MARCHF11: variants seen among roughly 807,000 people sequenced by gnomAD.
MARCHF11 encodes membrane associated ring-CH-type finger 11, also known as E3 ubiquitin-protein ligase MARCHF11.
Under a neutral mutation model 37.3 loss-of-function variants are expected in MARCHF11, and 29 were observed. The ratio of observed to expected loss-of-function variants is 0.78; its 90% CI spans 0.58 to 1.06. MARCHF11 has a LOEUF of 1.06. Among genes scored for constraint, MARCHF11 ranks in the 50% least tolerant of loss-of-function variants. The pLI is 0.00. For missense variants in MARCHF11, 482 were observed against 533.4 expected (o/e 0.90, Z 0.95); for synonymous variants, 233 against 228.0 (o/e 1.02, Z -0.20).
At position 16,179,769 on chromosome 5, in the gene MARCHF11, G is replaced by T. The variant is rs1211991637; in HGVS notation, c.-194C>A. 18 of 272,962 alleles carry T rather than the reference G, an allele frequency of 6.6e-5. No homozygotes were observed. Among genetic ancestry groups the T allele is most frequent in the Admixed American group, 3.9e-4 (7 of 17,876 alleles). The allele number at this position is 272,962 out of a possible 1,614,324, so 16.9% of individuals were successfully genotyped here. A position where few individuals can be genotyped will look rare whatever the true frequency, so the allele number is the denominator to read the frequency against. ...GCGGCGGCGGCAGGCGCGGCCGTTC[G>T]GTGGAGCCGCCGGCTCGGCTCTGAT... On this transcript the variant is annotated 5_prime_UTR_variant, in exon 1 of 4. Transcript: ENST00000332432.
At position 16,169,839 on chromosome 5, in the gene MARCHF11, A is replaced by C. The variant is rs574300828; in HGVS notation, c.693+7887T>G. Among the ~76,000 whole-genome samples, 7 of 152,194 alleles carry C rather than the reference A, an allele frequency of 4.6e-5. No homozygotes were observed. In the South Asian group the frequency reaches 1.5e-3, roughly 32 times the overall value. The stretch of plus-strand genomic sequence containing the variant: ...ATTCCCTGCTATTCTGAAGGGTCGG[A>C]AGTACTCTCATTTTGCCCTCAGAGT... On this transcript the variant is annotated intron_variant, in intron 2 of 3. Coordinates refer to ENST00000332432, the MANE Select transcript of MARCHF11 (RefSeq NM_001102562.3).
chr5:16,146,131 T>A (rs528883094), intron 2 of MARCHF11, among the ~76,000 whole-genome samples: 2 of 152,304 alleles, frequency 1.3e-5, no homozygotes, highest in East Asian at 3.9e-4. Flanking sequence ...AACTGAGACA[T>A]CATGTCAACC....
intron 2 of MARCHF11, among the ~76,000 whole-genome samples, chr5:16,163,539 C>T (rs927623202): frequency 6.6e-6 from 1 of 151,820 alleles, no homozygotes; most frequent in African/African-American, 2.4e-5. Flanking sequence ...AATCCATTAC[C>T]CTGTAATCCA....
At chr5:16,071,262 C>T (rs563065243) in intron 3 of MARCHF11, among the ~76,000 whole-genome samples, 9 of 152,298 alleles carry the variant, frequency 5.9e-5, no homozygotes, top group African/African-American at 2.2e-4. Flanking sequence ...TTAGGATACT[C>T]ACTACATTAT....
intron 2 of MARCHF11, among the ~76,000 whole-genome samples, chr5:16,135,989 A>G (rs1169272146): frequency 2.0e-5 from 3 of 152,124 alleles, no homozygotes; most frequent in African/African-American, 7.2e-5. Context: ...AAGATCTTCA[A>G]CAGGAATAAA....
chr5:16,173,359 T>C (rs1375971965), intron 2 of MARCHF11, among the ~76,000 whole-genome samples: 3 of 152,196 alleles, frequency 2.0e-5, no homozygotes, highest in Non-Finnish European at 4.4e-5. Flanking sequence ...GGGGCTGTTC[T>C]AAAGCATAAA....
chr5:16,160,166 A>G (rs562063927), intron 2 of MARCHF11, among the ~76,000 whole-genome samples: 2 of 150,348 alleles, frequency 1.3e-5, no homozygotes, highest in Non-Finnish European at 3.0e-5. Context: ...GTTGAGAAAA[A>G]TATCTAAAAT....
At position 16,091,085 on chromosome 5, in the gene MARCHF11, A is replaced by C. The variant is rs1430136808; in HGVS notation, c.694-4T>G. On this transcript the variant is annotated splice_polypyrimidine_tract_variant and splice_region_variant and intron_variant, in intron 2 of 3. Coordinates refer to ENST00000332432, the MANE Select transcript of MARCHF11 (RefSeq NM_001102562.3). ...GTGTTATAGAAATGCTCTGCCACTA[A>C]AAGAAAAACAGAGGCATGTAAGAAA... 2 of 1,570,824 alleles carry C rather than the reference A, an allele frequency of 1.3e-6. No individual in the cohort carries two copies. The highest frequency in any genetic ancestry group is 1.7e-6 in the Non-Finnish European group (2 of 1,158,290).
chr5:16,179,452 C>T lies in MARCHF11; in HGVS notation c.124G>A (p.Val42Ile), dbSNP rs1466125872. The T allele has an allele frequency of 8.2e-5, 91 of 1,116,168 alleles. 2 individuals are homozygous for T. In the South Asian group the frequency reaches 1.2e-3, roughly 14 times the overall value. 69.1% of individuals were successfully genotyped at this position (1,116,168 alleles called of 1,614,324 possible). Residue 42 changes from valine to isoleucine, a missense_variant, in exon 1 of 4, where the codon GTC (valine) becomes ATC (isoleucine). By Grantham distance (29) the Val-to-Ile change is conservative (BLOSUM62 3). Coordinates refer to ENST00000332432, the MANE Select transcript of MARCHF11 (RefSeq NM_001102562.3). ...PTPPPGEPAP[V>I]PAAPRYLPPL... ...GGCAGGTAGCGCGGGGCCGCGGGGA[C>T]CGGGGCCGGCTCTCCCGGCGGCGGC...
At chr5:16,146,649 G>T (rs1340627642) in intron 2 of MARCHF11, among the ~76,000 whole-genome samples, 13 of 152,164 alleles carry the variant, frequency 8.5e-5, no homozygotes, top group Admixed American at 8.5e-4. Flanking sequence ...TCAAAGTTTT[G>T]ATTTGAAAGG....
At chr5:16,170,082 A>G (rs189052203) in intron 2 of MARCHF11, among the ~76,000 whole-genome samples, 1 of 152,184 alleles carries the variant, frequency 6.6e-6, no homozygotes, top group Admixed American at 6.5e-5. Context: ...TTATGTTACA[A>G]CCGTGCAAAC....
chr5:16,151,620 C>CTG (rs148381429), intron 2 of MARCHF11, among the ~76,000 whole-genome samples: 19 of 111,900 alleles, frequency 1.7e-4, no homozygotes, highest in African/African-American at 3.7e-4. Context: ...AGGAGCATGT[C>CTG]TGTGTGTGTG....
At position 16,179,204 on chromosome 5, in the gene MARCHF11, G is replaced by A. The variant is rs575366143; in HGVS notation, c.372C>T (p.Ala124=). Residue 124 remains alanine (A), a synonymous_variant, in exon 1 of 4, where the codon GCC becomes GCT. Coordinates refer to ENST00000332432, the MANE Select transcript of MARCHF11 (RefSeq NM_001102562.3). ...AAKGGPGESE[A]GAGGERERRG... is the part of the protein sequence containing the mutation. ...GCCGCTCGCGCTCGCCGCCCGCGCC[G>A]GCCTCAGACTCCCCGGGGCCGCCTT... The A allele has an allele frequency of 5.2e-6, 7 of 1,339,196 alleles. No homozygotes were observed. The African/African-American group carries it at 9.2e-5, about 18-fold the overall frequency. The allele number at this position is 1,339,196 out of a possible 1,614,324, so 83.0% of individuals were successfully genotyped here.
intron 3 of MARCHF11, among the ~76,000 whole-genome samples, chr5:16,078,169 G>T (rs61573784): frequency 0.027 from 4,136 of 152,214 alleles, 174 homozygotes; most frequent in African/African-American, 0.094. Flanking sequence ...CATTACACAG[G>T]CTGTGGAGTG....
At chr5:16,162,444 C>T (rs1277111335) in intron 2 of MARCHF11, among the ~76,000 whole-genome samples, 1 of 151,956 alleles carries the variant, frequency 6.6e-6, no homozygotes, top group Non-Finnish European at 1.5e-5. Context: ...CACTAGCATA[C>T]CCTATTTCTA....
intron 2 of MARCHF11, among the ~76,000 whole-genome samples, chr5:16,111,209 C>T: frequency 6.6e-6 from 1 of 152,100 alleles, no homozygotes. Context: ...GTGGAAGCGA[C>T]TTTGGAACTG....
chr5:16,113,521 T>C (rs1295607945), intron 2 of MARCHF11, among the ~76,000 whole-genome samples: 2 of 152,150 alleles, frequency 1.3e-5, no homozygotes, highest in Non-Finnish European at 2.9e-5. Context: ...GAAACATGCA[T>C]ACATGGCAAA....
At chr5:16,104,586 C>T (rs971499026) in intron 2 of MARCHF11, among the ~76,000 whole-genome samples, 1 of 151,680 alleles carries the variant, frequency 6.6e-6, no homozygotes, top group African/African-American at 2.4e-5. Context: ...TATCTTCAAT[C>T]GTAAAATACT....
intron 2 of MARCHF11, among the ~76,000 whole-genome samples, chr5:16,148,358 G>C (rs1029806143): frequency 6.6e-6 from 1 of 152,068 alleles, no homozygotes; most frequent in Non-Finnish European, 1.5e-5. Flanking sequence ...ACCAAATTCA[G>C]TGGCTACATG....
Sources: allele counts gnomAD v4.1 joint callset (sites outside exome capture counted in the v4.1 genomes callset), GRCh38; gene constraint gnomAD v4.1.1; transcripts MANE v1.5; gene names NCBI Gene and HGNC (gene_info 2026-07-23, HGNC 2026-07-21).